The following SEMA3E variants were observed in gnomAD, a reference collection of about 807,000 sequenced individuals.
SEMA3E encodes the protein semaphorin 3E, also known as semaphorin-3E.
A neutral mutation model predicts 93.6 loss-of-function variants in SEMA3E; 49 were observed. That is an observed-to-expected ratio of 0.52 (90% CI 0.42 to 0.66). SEMA3E has a LOEUF of 0.66. SEMA3E is among the 30% of genes least tolerant of loss of function. The probability of loss-of-function intolerance (pLI) is 0.00; values close to 1 mark genes in which losing one functional copy is unlikely to be tolerated. For missense variants in SEMA3E, 906 were observed against 964.8 expected, an observed-to-expected ratio of 0.94 and a Z score of 0.81; for synonymous variants, 363 against 330.7, an observed-to-expected ratio of 1.10 and a Z score of -1.06.
intron 4 of SEMA3E, among the ~76,000 whole-genome samples, chr7:83,431,405 G>C (rs1788881334): frequency 6.6e-6 from 1 of 151,614 alleles, no homozygotes; most frequent in South Asian, 2.1e-4. Context: ...AACACTAACG[G>C]GTAAGTTAAA....
At chr7:83,474,233 G>T (rs1170750621) in intron 2 of SEMA3E, among the ~76,000 whole-genome samples, 1 of 151,632 alleles carries the variant, frequency 6.6e-6, no homozygotes, top group Non-Finnish European at 1.5e-5. Context: ...ACATTATGTA[G>T]CCAAATCCAT....
intron 1 of SEMA3E, among the ~76,000 whole-genome samples, chr7:83,585,564 A>G (rs1387250810): frequency 3.3e-5 from 5 of 152,190 alleles, no homozygotes; most frequent in Admixed American, 2.0e-4. Flanking sequence ...TTAGGATATT[A>G]AGACACCATA....
At chr7:83,415,972 T>TCTAC (rs1729786108) in intron 5 of SEMA3E, among the ~76,000 whole-genome samples, 1 of 152,082 alleles carries the variant, frequency 6.6e-6, no homozygotes, top group Non-Finnish European at 1.5e-5. Flanking sequence ...CAGAGTAAGT[T>TCTAC]CTACCGAGCT....
In SEMA3E at chr7:83,367,559, C is replaced by G. The variant is rs1437613955; in HGVS notation, c.*27G>C. 1 of 1,608,524 alleles carries G rather than the reference C, an allele frequency of 6.2e-7. No homozygotes were observed. Among genetic ancestry groups the G allele is most frequent in the East Asian group, 2.2e-5 (1 of 44,840 alleles). ...TTTTACTTTCCAAATATAAATTCTT[C>G]AAAAGACAGTAGATAGTCTCACCCC... On this transcript the variant is annotated 3_prime_UTR_variant, in exon 17 of 17. Coordinates refer to ENST00000643230, the MANE Select transcript of SEMA3E (RefSeq NM_012431.3).
At chr7:83,644,306 G>A (rs1794052513) in intron 1 of SEMA3E, among the ~76,000 whole-genome samples, 5 of 151,858 alleles carry the variant, frequency 3.3e-5, no homozygotes, top group Admixed American at 2.0e-4. Context: ...GAAATTTGGA[G>A]TGAGTGCAAT....
At chr7:83,527,464 C>A (rs1044724533) in intron 1 of SEMA3E, among the ~76,000 whole-genome samples, 13 of 152,210 alleles carry the variant, frequency 8.5e-5, no homozygotes, top group African/African-American at 3.1e-4. Context: ...GCATTAAACC[C>A]TGCTCCTATG....
At chr7:83,485,622 A>C (rs963763330) in intron 2 of SEMA3E, among the ~76,000 whole-genome samples, 2 of 152,188 alleles carry the variant, frequency 1.3e-5, no homozygotes, top group Admixed American at 6.5e-5. Context: ...AAAAGTAGTG[A>C]CACTACATAA....
At chr7:83,433,172 A>G (rs1406697064) in intron 4 of SEMA3E, among the ~76,000 whole-genome samples, 1 of 152,182 alleles carries the variant, frequency 6.6e-6, no homozygotes, top group Non-Finnish European at 1.5e-5. Flanking sequence ...CAAAGATTAT[A>G]TGATGTGATC....
intron 4 of SEMA3E, among the ~76,000 whole-genome samples, chr7:83,452,323 T>TG (rs942364616): frequency 3.3e-5 from 5 of 152,090 alleles, no homozygotes; most frequent in Admixed American, 6.5e-5. Flanking sequence ...TTTGTTCAAG[T>TG]GGGGGAAAAA....
In SEMA3E at chr7:83,551,524, G is replaced by A. The variant is rs572555633; in HGVS notation, c.116-61250C>T. Among the ~76,000 whole-genome samples the A allele has an allele frequency of 2.0e-5, 3 of 152,230 alleles. No homozygotes were observed. In the East Asian group the frequency reaches 5.8e-4, roughly 29 times the overall value. On this transcript the variant is annotated intron_variant, in intron 1 of 16. Transcript: ENST00000643230. ...TGATACCCCTTGAAAGGAATGAGGA[G>A]GATGAGACAGAGAGAGAACACACAG...
chr7:83,614,133 T>C lies in SEMA3E; in HGVS notation c.115+34295A>G, dbSNP rs187360046. On this transcript the variant is annotated intron_variant, in intron 1 of 16. Transcript: ENST00000643230. ...CTCAAGTAATTAATAATTGCACCTG[T>C]TGCAAGATAAGCCATTGCACTGCAT... Among the ~76,000 whole-genome samples, 10 of 152,232 alleles carry C rather than the reference T, an allele frequency of 6.6e-5. No individual in the cohort carries two copies. In the East Asian group the frequency reaches 1.7e-3, roughly 26 times the overall value.
rs1363974829 is a variant in SEMA3E, at chr7:83,648,619, G to T, written c.-77C>A. ...AGTTTTACTTAGGACTTCCCTCCAG[G>T]GGCAGCGTGCGAGAGGCTTTGTCAG... On this transcript the variant is annotated 5_prime_UTR_variant, in exon 1 of 17. Transcript: ENST00000643230. 2.8e-6 allele frequency: 3 copies of T among 1,064,438 alleles called. No individual in the cohort carries two copies. Among genetic ancestry groups the T allele is most frequent in the East Asian group, 2.5e-5 (1 of 39,830 alleles). 65.9% of individuals were successfully genotyped at this position (1,064,438 alleles called of 1,614,324 possible). A position where few individuals can be genotyped will look rare whatever the true frequency, so the allele number is the denominator to read the frequency against.
At chr7:83,480,383 G>A (rs536221647) in intron 2 of SEMA3E, among the ~76,000 whole-genome samples, 2 of 152,218 alleles carry the variant, frequency 1.3e-5, no homozygotes, top group East Asian at 1.9e-4. Context: ...AGCCGAGTTC[G>A]TGCCACTGTA....
chr7:83,533,557 A>G (rs1791348231), intron 1 of SEMA3E, among the ~76,000 whole-genome samples: 1 of 67,898 alleles, frequency 1.5e-5, no homozygotes. Flanking sequence ...AAAATACGAT[A>G]AAATAAAATA....
intron 4 of SEMA3E, among the ~76,000 whole-genome samples, chr7:83,455,265 C>T (rs1383554607): frequency 6.6e-6 from 1 of 152,084 alleles, no homozygotes; most frequent in African/African-American, 2.4e-5. Context: ...ATGCTTATGC[C>T]CTCAAGGACA....
chr7:83,581,946 A>G (rs545324909), intron 1 of SEMA3E, among the ~76,000 whole-genome samples: 79 of 152,072 alleles, frequency 5.2e-4, no homozygotes, highest in African/African-American at 1.8e-3. Flanking sequence ...TAACCTCAAA[A>G]TACTAACATT....
chr7:83,466,693 A>G (rs1789767194), intron 3 of SEMA3E, 92 bp from the exon 4 acceptor site: 2 of 1,488,742 alleles, frequency 1.3e-6, no homozygotes, highest in Admixed American at 1.7e-5. Flanking sequence ...TAGAAAGCTC[A>G]TGTTTTACCG....
chr7:83,388,274 A>C (rs1463015173), intron 14 of SEMA3E, among the ~76,000 whole-genome samples: 2 of 148,278 alleles, frequency 1.3e-5, no homozygotes, highest in Non-Finnish European at 3.0e-5. Context: ...GCACCACTGC[A>C]CTCCAGCCTG....
At chr7:83,454,257 C>CAAAAAAAAA (rs1157801830) in intron 4 of SEMA3E, among the ~76,000 whole-genome samples, 5 of 44,950 alleles carry the variant, frequency 1.1e-4, no homozygotes, top group African/African-American at 4.0e-4. Context: ...GACTCCGACT[C>CAAAAAAAAA]AAAAAAAAAA....
Sources: allele counts gnomAD v4.1 joint callset (sites outside exome capture counted in the v4.1 genomes callset), GRCh38; gene constraint gnomAD v4.1.1; transcripts MANE v1.5; gene names NCBI Gene and HGNC (gene_info 2026-07-23, HGNC 2026-07-21).